Variants in CABIN1 observed in about 807,000 individuals in gnomAD.
The protein encoded by CABIN1 is calcineurin binding protein 1, also known as calcineurin-binding protein cabin-1.
Under a neutral mutation model 227.7 loss-of-function variants are expected in CABIN1, and 133 were observed. That is an observed-to-expected ratio of 0.58 (90% CI 0.51 to 0.67). The LOEUF (loss-of-function observed/expected upper bound fraction) is 0.67, where lower values mean the gene tolerates loss of function less well. CABIN1 is among the 30% of genes least tolerant of loss of function. CABIN1 has a pLI of 0.00. For synonymous variants in CABIN1, 1,086 were observed against 1,155.1 expected (o/e 0.94, Z 1.21); for missense variants, 2,408 against 2,852.5 (o/e 0.84, Z 3.55).
chr22:24,100,639 A>G (rs572408482), intron 26 of CABIN1, among the ~76,000 whole-genome samples: 1 of 152,302 alleles, frequency 6.6e-6, no homozygotes, highest in South Asian at 2.1e-4. Flanking sequence ...TACTACCAGG[A>G]GGGTGATGGG....
intron 27 of CABIN1, among the ~76,000 whole-genome samples, chr22:24,119,045 C>G (rs1473793626): frequency 6.6e-6 from 1 of 152,244 alleles, no homozygotes; most frequent in African/African-American, 2.4e-5. Flanking sequence ...CATACCCCAG[C>G]CCCAGAGGTG....
intron 30 of CABIN1, 45 bp downstream of exon 30, chr22:24,164,608 C>G: frequency 6.3e-7 from 1 of 1,588,372 alleles, no homozygotes; most frequent in African/African-American, 1.3e-5. Flanking sequence ...CTGTGTGGGT[C>G]AGGGGCACAC....
chr22:24,012,784 G>A (rs1264635847), intron 1 of CABIN1, among the ~76,000 whole-genome samples: 3 of 151,984 alleles, frequency 2.0e-5, no homozygotes, highest in South Asian at 2.1e-4. Flanking sequence ...TGTGTGTGAC[G>A]GAGCCTTGGT....
intron 19 of CABIN1, among the ~76,000 whole-genome samples, chr22:24,082,749 A>T (rs1240879814): frequency 6.6e-6 from 1 of 152,242 alleles, no homozygotes; most frequent in Non-Finnish European, 1.5e-5. Context: ...AGATTCTCTT[A>T]GCCCTAATGA....
intron 3 of CABIN1, among the ~76,000 whole-genome samples, chr22:24,037,274 AAAAAG>A (rs1206184096): frequency 6.6e-6 from 1 of 151,530 alleles, no homozygotes; most frequent in Non-Finnish European, 1.5e-5. Flanking sequence ...AAAAAAAAAA[AAAAAG>A]AAAAGAAAAC....
intron 1 of CABIN1, among the ~76,000 whole-genome samples, chr22:24,031,553 T>C (rs4822470): frequency 0.03 from 4,496 of 152,180 alleles, 188 homozygotes; most frequent in Admixed American, 0.12. Flanking sequence ...AGTAAGATAG[T>C]GGTGAAAAAA....
At chr22:24,137,250 C>T (rs2044479183) in intron 29 of CABIN1, among the ~76,000 whole-genome samples, 1 of 152,204 alleles carries the variant, frequency 6.6e-6, no homozygotes, top group Non-Finnish European at 1.5e-5. Flanking sequence ...AGGGGAAGAC[C>T]TCAGCCTTTC....
chr22:24,177,950 G>C lies in CABIN1; in HGVS notation c.6520-103G>C. 1 of 1,519,724 alleles carries C rather than the reference G, an allele frequency of 6.6e-7. No individual in the cohort carries two copies. Among genetic ancestry groups the C allele is most frequent in the Non-Finnish European group, 9.0e-7 (1 of 1,114,850 alleles). 94.1% of individuals were successfully genotyped at this position (1,519,724 alleles called of 1,614,324 possible). A position where few individuals can be genotyped will look rare whatever the true frequency, so the allele number is the denominator to read the frequency against. ...GATGGCATAGGGGCCTGGGGCAGGG[G>C]TGAGGGTGGGAGGGGGGCCTGGGGC... On this transcript the variant is annotated intron_variant, in intron 36 of 36. Coordinates refer to ENST00000263119, the MANE Select transcript of CABIN1 (RefSeq NM_012295.4). This position sits in a 1 kb window ranked among gnomAD's most constrained non-coding sequence, Gnocchi z 4.4.
chr22:24,064,519 T>TG (rs1253903174), intron 15 of CABIN1, among the ~76,000 whole-genome samples: 3 of 148,104 alleles, frequency 2.0e-5, no homozygotes, highest in African/African-American at 7.7e-5. Flanking sequence ...AAGGTTTTTT[T>TG]TTTTTTTTTT....
chr22:24,032,477 T>C lies in CABIN1; in HGVS notation c.-74-2967T>C, dbSNP rs371652586. Reference sequence around the variant, plus strand: ...TACAAGTGTCTGTTCAAGTCCCTGCTTTCATTTATTTTGTGTATATAGCCA... The same window carrying C: ...TACAAGTGTCTGTTCAAGTCCCTGCCTTCATTTATTTTGTGTATATAGCCA... On this transcript the variant is annotated intron_variant, in intron 1 of 36. Transcript: ENST00000263119. Among the ~76,000 whole-genome samples the C allele has an allele frequency of 7.2e-5, 11 of 152,338 alleles. No individual in the cohort carries two copies. The East Asian group carries it at 2.1e-3, about 29-fold the overall frequency.
chr22:24,029,552 G>A (rs1423362142), intron 1 of CABIN1, among the ~76,000 whole-genome samples: 2 of 150,658 alleles, frequency 1.3e-5, no homozygotes, highest in East Asian at 3.9e-4. Context: ...GTGAGACCCT[G>A]TCTTAAAAAA....
At chr22:24,140,984 A>G (rs1192902422) in intron 29 of CABIN1, among the ~76,000 whole-genome samples, 1 of 152,198 alleles carries the variant, frequency 6.6e-6, no homozygotes, top group Non-Finnish European at 1.5e-5. Context: ...AGCTTGGGCT[A>G]CCCGTAAGCA....
intron 1 of CABIN1, among the ~76,000 whole-genome samples, chr22:24,028,384 G>A (rs1328683931): frequency 1.3e-5 from 2 of 152,190 alleles, no homozygotes; most frequent in Admixed American, 6.5e-5. Context: ...GCTCCTCCTC[G>A]TATGGGAGTG....
chr22:24,059,950 C>A lies in CABIN1; in HGVS notation c.1426C>A (p.Leu476Met). ...AAAGCAGGACGTGCATGAGTTCCTG[C>A]TGGAGAACCTAACCAACGGGGGCAT... The part of the protein sequence containing the change: ...SEKQDVHEFL[L>M]ENLTNGGILE... The change falls in exon 12 of 37, where the codon CTG (leucine) becomes ATG (methionine). Residue 476 changes from leucine (L) to methionine (M), a missense_variant. By Grantham distance (15) the Leu-to-Met change is conservative (BLOSUM62 2). Around this residue, in one of 3 missense-constraint regions of CABIN1, gnomAD observed 1,045 missense variants for 1,168.4 expected, o/e 0.89. Transcript: ENST00000263119. 1.2e-6 allele frequency: 2 copies of A among 1,614,212 alleles called. No homozygotes were observed. The highest frequency in any genetic ancestry group is 2.2e-5 in the East Asian group (1 of 44,888).
intron 27 of CABIN1, among the ~76,000 whole-genome samples, chr22:24,115,246 G>C (rs972631111): frequency 1.3e-5 from 2 of 152,198 alleles, no homozygotes; most frequent in Non-Finnish European, 2.9e-5. Flanking sequence ...TGGGGAAGGG[G>C]ACATGGGTGT....
intron 15 of CABIN1, among the ~76,000 whole-genome samples, chr22:24,065,327 G>A (rs1436614707): frequency 7.4e-4 from 113 of 151,938 alleles, no homozygotes; most frequent in African/African-American, 2.5e-3. Flanking sequence ...CCTCCCAGAC[G>A]GGGTCGCGGC....
chr22:24,037,451 C>T (rs2037003115), intron 3 of CABIN1, among the ~76,000 whole-genome samples: 1 of 151,766 alleles, frequency 6.6e-6, no homozygotes, highest in Non-Finnish European at 1.5e-5. Flanking sequence ...CTACAGACAC[C>T]AGGCCACCAT....
intron 24 of CABIN1, 39 bp downstream of exon 24, chr22:24,091,882 G>A: frequency 1.2e-6 from 2 of 1,606,920 alleles, no homozygotes; most frequent in South Asian, 1.1e-5. Flanking sequence ...AGCAGGGCAG[G>A]GGCAGGCTGG....
At chr22:24,175,996 A>G (rs576682701) in intron 34 of CABIN1, 115 bp from the exon 35 acceptor site, 2 of 1,249,854 alleles carry the variant, frequency 1.6e-6, no homozygotes, top group South Asian at 1.3e-5. Context: ...CATTGGCCAC[A>G]CTCCCCTGCC....
Sources: gnomAD v4.1 joint callset for allele counts (sites outside exome capture counted in the v4.1 genomes callset) on GRCh38, gnomAD v4.1.1 for gene constraint, gnomAD v4.1.1 regional missense constraint, Gnocchi (gnomAD v3.1) non-coding constraint, MANE v1.5 for transcripts, NCBI Gene and HGNC (gene_info 2026-07-23, HGNC 2026-07-21) for gene names.